RAB11FIP3: variants seen among roughly 807,000 people sequenced by gnomAD.
The protein encoded by RAB11FIP3 is RAB11 family interacting protein 3, also known as rab11 family-interacting protein 3.
RAB11FIP3 carries 17 observed loss-of-function variants against 77.8 expected under a neutral mutation model. That is an observed-to-expected ratio of 0.22 (90% confidence interval 0.15 to 0.33). The LOEUF is 0.33. Among genes scored for constraint, RAB11FIP3 ranks in the 10% least tolerant of loss-of-function variants. The pLI is 1.00. For synonymous variants in RAB11FIP3, 437 were observed against 448.2 expected (o/e 0.98, Z 0.31); for missense variants, 1,005 against 1,011.2 (o/e 0.99, Z 0.08).
chr16:483,976 C>T (rs2056099560), intron 4 of RAB11FIP3, among the ~76,000 whole-genome samples: 1 of 152,094 alleles, frequency 6.6e-6, no homozygotes, highest in Non-Finnish European at 1.5e-5. Context: ...CTTCTGTCTC[C>T]CCAAGATGCA....
intron 1 of RAB11FIP3, among the ~76,000 whole-genome samples, chr16:441,602 G>A (rs902375086): frequency 3.3e-5 from 5 of 152,166 alleles, no homozygotes; most frequent in Admixed American, 6.5e-5. Flanking sequence ...CACGCACGCG[G>A]ACCCTAATGT....
intron 8 of RAB11FIP3, among the ~76,000 whole-genome samples, chr16:509,021 A>AGCC (rs2032008554): frequency 6.6e-6 from 1 of 151,352 alleles, no homozygotes; most frequent in Non-Finnish European, 1.5e-5. Context: ...CTCGTGCTTC[A>AGCC]GCCTCCCGAG....
rs1204810944 is a variant in RAB11FIP3, at chr16:505,146, G to C, written c.1396-378G>C. On this transcript the variant is annotated intron_variant, in intron 7 of 13. Coordinates refer to ENST00000262305, the MANE Select transcript of RAB11FIP3 (RefSeq NM_014700.4). The surrounding 1 kb of genome is among the most constrained non-coding windows in gnomAD (Gnocchi z 4.0). ...GAGGGACCGAGACATGGATCTGTCTGTCCCTTGCATCCATGGGCACCTGGG... is the reference window on the plus strand; with the variant it reads ...GAGGGACCGAGACATGGATCTGTCTCTCCCTTGCATCCATGGGCACCTGGG... Among the ~76,000 whole-genome samples, 2 of 151,592 alleles carry C rather than the reference G, an allele frequency of 1.3e-5. No individual in the cohort carries two copies. The highest frequency in any genetic ancestry group is 2.9e-5 in the Non-Finnish European group (2 of 67,930).
chr16:471,208 C>T lies in RAB11FIP3; in HGVS notation c.809-87C>T, dbSNP rs947397807. 99 of 1,167,852 alleles carry T rather than the reference C, an allele frequency of 8.5e-5. No individual in the cohort carries two copies. Among genetic ancestry groups the T allele is most frequent in the Non-Finnish European group, 1.2e-4 (96 of 794,120 alleles). The allele number at this position is 1,167,852 out of a possible 1,614,324, so 72.3% of individuals were successfully genotyped here. On this transcript the variant is annotated intron_variant, in intron 2 of 13. Coordinates refer to ENST00000262305, the MANE Select transcript of RAB11FIP3 (RefSeq NM_014700.4). The surrounding 1 kb of genome is among the most constrained non-coding windows in gnomAD (Gnocchi z 4.4). ...CCCACACATCTGTCCCTGGGGGCCT[C>T]CTTCCCAGGGAGTCCCGAGGCCGCC...
At chr16:519,418 T>C (rs2032567285) in intron 10 of RAB11FIP3, among the ~76,000 whole-genome samples, 1 of 152,176 alleles carries the variant, frequency 6.6e-6, no homozygotes, top group Non-Finnish European at 1.5e-5. Context: ...GGAAGGATAT[T>C]CTCAGAGCAC....
intron 8 of RAB11FIP3, among the ~76,000 whole-genome samples, chr16:508,481 C>G (rs1484143403): frequency 6.6e-6 from 1 of 152,234 alleles, no homozygotes; most frequent in East Asian, 1.9e-4. Flanking sequence ...TCAAGTGATT[C>G]TCCTGCCTCA....
At chr16:492,412 C>CGTCCAGA (rs2030487932) in intron 5 of RAB11FIP3, among the ~76,000 whole-genome samples, 2 of 143,760 alleles carry the variant, frequency 1.4e-5, no homozygotes, top group African/African-American at 5.1e-5. Flanking sequence ...GACCCGAGGC[C>CGTCCAGA]GCCCAGGGCC....
intron 9 of RAB11FIP3, among the ~76,000 whole-genome samples, chr16:512,355 C>T (rs1184400478): frequency 2.6e-4 from 39 of 151,802 alleles, no homozygotes; most frequent in Admixed American, 2.6e-3. Context: ...ATTCTCCCGC[C>T]TCAGCCTCCC....
At chr16:452,308 C>T (rs996833078) in intron 1 of RAB11FIP3, 3 of 151,844 alleles carry the variant, frequency 2.0e-5, no homozygotes, top group Non-Finnish European at 4.4e-5. Context: ...GCACTCCAGC[C>T]TGGGTGATAG....
rs2054941175 is a variant in RAB11FIP3, at chr16:426,337, C to T, written c.331C>T (p.Arg111Cys). The T allele has an allele frequency of 6.7e-7, 1 of 1,494,322 alleles. No individual in the cohort carries two copies. The highest frequency in any genetic ancestry group is 2.1e-4 in the Middle Eastern group (1 of 4,788). 92.6% of individuals were successfully genotyped at this position (1,494,322 alleles called of 1,614,324 possible). Residue 111 changes from arginine (R) to cysteine (C), a missense_variant, in exon 1 of 14, where the codon CGC (arginine) becomes TGC (cysteine). Around this residue, in one of 4 missense-constraint regions of RAB11FIP3, gnomAD observed 466 missense variants for 408.3 expected, o/e 1.14. Coordinates refer to ENST00000262305, the MANE Select transcript of RAB11FIP3 (RefSeq NM_014700.4). This position sits in a 1 kb window ranked among gnomAD's most constrained non-coding sequence, Gnocchi z 5.0. ...CCCCGACGCCCCGGGCCCAGGGCCG[C>T]GCTCCGAAGCGCCGCTTCCAGAACT... ...ASPDAPGPGP[R>C]SEAPLPELDP...
intron 12 of RAB11FIP3, 41 bp from the exon 13 acceptor site, chr16:520,418 G>T (rs1466894063): frequency 1.2e-6 from 2 of 1,608,134 alleles, no homozygotes; most frequent in Non-Finnish European, 1.7e-6. Context: ...TCAGCCACCA[G>T]CAGGGGCCAC....
intron 5 of RAB11FIP3, among the ~76,000 whole-genome samples, chr16:493,214 G>A (rs2030748192): frequency 7.0e-6 from 1 of 142,204 alleles, no homozygotes; most frequent in African/African-American, 2.6e-5. Context: ...TCCTGCCACT[G>A]CACTCCAGCC....
rs377003705 is a variant in RAB11FIP3 at position 456,906 on chromosome 16, G to GC, written c.715-4496dup. 6.1e-3 allele frequency among the ~76,000 whole-genome samples: 924 copies of GC among 152,162 alleles called. 9 individuals are homozygous for GC. The highest frequency in any genetic ancestry group is 0.021 in the African/African-American group (876 of 41,504). ...AAGTGTCCGTGCCATCGGCAGGTGA[G>GC]CCGCAGGCTTCAGTGCCATTGGGAG... On this transcript the variant is annotated intron_variant, in intron 1 of 13. Coordinates refer to ENST00000262305, the MANE Select transcript of RAB11FIP3 (RefSeq NM_014700.4).
chr16:441,242 G>A (rs1419207803), intron 1 of RAB11FIP3, among the ~76,000 whole-genome samples: 1 of 152,134 alleles, frequency 6.6e-6, no homozygotes, highest in Non-Finnish European at 1.5e-5. Context: ...ATCGCGCCTG[G>A]CCCTATTTTT....
At chr16:449,948 C>T (rs1356791768) in intron 1 of RAB11FIP3, among the ~76,000 whole-genome samples, 3 of 151,936 alleles carry the variant, frequency 2.0e-5, no homozygotes, top group Non-Finnish European at 2.9e-5. Flanking sequence ...GAGGCTCCAT[C>T]TCAAAAAAAA....
chr16:488,730 CGTGGCTCCCAGGACTCACGT>C, intron 4 of RAB11FIP3, 101 bp from the exon 5 acceptor site: 1 of 736,210 alleles, frequency 1.4e-6, no homozygotes, highest in Non-Finnish European at 1.9e-6. Context: ...TTTTTTTAAA[CGTGGCTCCCAGGACTCACGT>C]GTGGCTTGTA....
intron 2 of RAB11FIP3, among the ~76,000 whole-genome samples, chr16:468,153 C>T: frequency 1.2e-5 from 1 of 86,030 alleles, no homozygotes; most frequent in Non-Finnish European, 2.3e-5. Context: ...GGAGGAGGTG[C>T]AGGGGCCTCA....
rs1421809666 is a variant in RAB11FIP3, at chr16:493,957, G to A, written c.1266-2867G>A. Among the ~76,000 whole-genome samples the A allele has an allele frequency of 2.8e-5, 4 of 140,462 alleles. No individual in the cohort carries two copies. The East Asian group carries it at 9.1e-4, about 32-fold the overall frequency. The allele number at this position is 140,462 out of a possible 152,430, so 92.1% of individuals were successfully genotyped here. On this transcript the variant is annotated intron_variant, in intron 5 of 13. Coordinates refer to ENST00000262305, the MANE Select transcript of RAB11FIP3 (RefSeq NM_014700.4). ...CTCGATCTGTCACCCAGGCTGGAGTGCGGTGGTGCGATCTCGGCTCACTGC... is the reference window on the plus strand; with the variant it reads ...CTCGATCTGTCACCCAGGCTGGAGTACGGTGGTGCGATCTCGGCTCACTGC...
chr16:493,675 C>T (rs142996671), intron 5 of RAB11FIP3, among the ~76,000 whole-genome samples: 2,014 of 152,186 alleles, frequency 0.013, 43 homozygotes, highest in African/African-American at 0.045. Flanking sequence ...GGTGCGATCT[C>T]GGCTCACTGC....
Sources: allele counts gnomAD v4.1 joint callset (sites outside exome capture counted in the v4.1 genomes callset), GRCh38; gene constraint gnomAD v4.1.1; regional missense constraint gnomAD v4.1.1; non-coding constraint Gnocchi (gnomAD v3.1); transcripts MANE v1.5; gene names NCBI Gene and HGNC (gene_info 2026-07-23, HGNC 2026-07-21).